Variants in WDFY3 observed in about 807,000 individuals in gnomAD.
The protein encoded by WDFY3 is WD repeat and FYVE domain containing 3, also known as WD repeat and FYVE domain-containing protein 3.
WDFY3 carries 66 observed loss-of-function variants against 409.6 expected under a neutral mutation model. The ratio of observed to expected loss-of-function variants is 0.16; its 90% CI spans 0.13 to 0.20. WDFY3 has a LOEUF of 0.20. WDFY3 is among the 10% of genes least tolerant of loss of function. The pLI is 1.00. For synonymous variants in WDFY3, 1,521 were observed against 1,537.1 expected (o/e 0.99, Z 0.25); for missense variants, 3,031 against 4,298.1 (o/e 0.71, Z 8.24).
At chr4:84,731,801 AT>A (rs1736651703) in intron 44 of WDFY3, among the ~76,000 whole-genome samples, 1 of 152,212 alleles carries the variant, frequency 6.6e-6, no homozygotes, top group East Asian at 1.9e-4. Flanking sequence ...GATAAAACAT[AT>A]TATGGTTATT....
intron 2 of WDFY3, among the ~76,000 whole-genome samples, chr4:84,918,109 T>A (rs1351872197): frequency 6.6e-6 from 1 of 152,128 alleles, no homozygotes. Context: ...CTGATGGGAA[T>A]GCAAAACAGT....
At chr4:84,716,833 A>T in intron 49 of WDFY3, 63 bp downstream of exon 49, 1 of 1,321,066 alleles carries the variant, frequency 7.6e-7, no homozygotes, top group Non-Finnish European at 9.9e-7. Context: ...AATAAAATAA[A>T]ATAAAACAAT....
chr4:84,694,304 T>C (rs921893276), intron 58 of WDFY3, among the ~76,000 whole-genome samples: 2 of 152,210 alleles, frequency 1.3e-5, no homozygotes, highest in Non-Finnish European at 2.9e-5. Context: ...GCTGCGGGTA[T>C]ATAATGATGT....
chr4:84,709,480 A>C (rs1024388281), intron 51 of WDFY3, 133 bp from the exon 52 acceptor site: 2 of 674,636 alleles, frequency 3.0e-6, no homozygotes, highest in East Asian at 5.6e-5. Flanking sequence ...TGGGTCATAA[A>C]ATCAGTTTAG....
At chr4:84,941,322 C>T (rs972180784) in intron 1 of WDFY3, among the ~76,000 whole-genome samples, 3 of 151,898 alleles carry the variant, frequency 2.0e-5, no homozygotes, top group African/African-American at 7.2e-5. Flanking sequence ...TGTGTTTCTA[C>T]ATATTAACAA....
At chr4:84,763,058 A>C (rs973450627) in intron 32 of WDFY3, among the ~76,000 whole-genome samples, 6 of 152,214 alleles carry the variant, frequency 3.9e-5, no homozygotes, top group Admixed American at 6.5e-5. Flanking sequence ...CCTAAAAAAA[A>C]ACCAAAAAAC....
intron 2 of WDFY3, among the ~76,000 whole-genome samples, chr4:84,927,423 A>C (rs1052575890): frequency 3.9e-5 from 6 of 152,168 alleles, no homozygotes; most frequent in African/African-American, 1.4e-4. Context: ...GCCTTCCATA[A>C]GAAGAATTAC....
intron 36 of WDFY3, 106 bp downstream of exon 36, chr4:84,751,377 T>C (rs1388565517): frequency 7.6e-6 from 9 of 1,187,638 alleles, no homozygotes; most frequent in Non-Finnish European, 1.1e-5. Flanking sequence ...TGCCTACACA[T>C]AAACAAGAGG....
chr4:84,822,443 C>A (rs79818222), intron 10 of WDFY3, among the ~76,000 whole-genome samples: 1 of 152,036 alleles, frequency 6.6e-6, no homozygotes, highest in Non-Finnish European at 1.5e-5. Flanking sequence ...TAGCTCACAC[C>A]GGTAGTCCTA....
intron 29 of WDFY3, 102 bp from the exon 30 acceptor site, chr4:84,773,031 A>C: frequency 2.3e-6 from 2 of 853,368 alleles, no homozygotes; most frequent in Non-Finnish European, 3.4e-6. Flanking sequence ...AAACCAAAAC[A>C]GTACTTTTTT....
chr4:84,933,128 T>C (rs1188699931), intron 1 of WDFY3, among the ~76,000 whole-genome samples: 1 of 152,190 alleles, frequency 6.6e-6, no homozygotes, highest in Admixed American at 6.6e-5. Context: ...TACCAAAGAA[T>C]AGCATCATCT....
In WDFY3 at chr4:84,821,411, C is replaced by T; in HGVS notation, c.1264G>A (p.Glu422Lys). 1 of 1,613,820 alleles carries T rather than the reference C, an allele frequency of 6.2e-7. No individual in the cohort carries two copies. Among genetic ancestry groups the T allele is most frequent in the Non-Finnish European group, 8.5e-7 (1 of 1,179,846 alleles). Residue 422 changes from glutamate (E) to lysine (K), a missense_variant, in exon 11 of 68, where the codon GAG becomes AAG. Coordinates refer to ENST00000295888, the MANE Select transcript of WDFY3 (RefSeq NM_014991.6). ...AACTGTGACAATGTGTGCTGTGACTCTAGGATGAAGTAATTGGCATTGTCA... is the reference window on the plus strand; with the variant it reads ...AACTGTGACAATGTGTGCTGTGACTTTAGGATGAAGTAATTGGCATTGTCA... ...MADNANYFIL[E>K]SQHTLSQFAE...
chr4:84,891,133 C>T (rs1255354518), intron 3 of WDFY3, among the ~76,000 whole-genome samples: 2 of 152,130 alleles, frequency 1.3e-5, no homozygotes, highest in Admixed American at 6.5e-5. Context: ...CACAGACAGC[C>T]GCAGCTCCCT....
rs372461792 is a variant in WDFY3, at chr4:84,684,140, A to G, written c.9544-15T>C. On this transcript the variant is annotated splice_polypyrimidine_tract_variant and intron_variant, in intron 62 of 67. Transcript: ENST00000295888. ...ACAATGTCCCCCTGAGAAGAGAGAG[A>G]AAAACGTCATTCTCTTTGCTCCCTT... 2 of 1,529,788 alleles carry G rather than the reference A, an allele frequency of 1.3e-6. No individual in the cohort carries two copies. Among genetic ancestry groups the G allele is most frequent in the Non-Finnish European group, 1.8e-6 (2 of 1,125,582 alleles). The allele number at this position is 1,529,788 out of a possible 1,614,324, so 94.8% of individuals were successfully genotyped here.
chr4:84,931,503 G>A (rs767867208), intron 2 of WDFY3, among the ~76,000 whole-genome samples: 4 of 152,146 alleles, frequency 2.6e-5, no homozygotes, highest in East Asian at 1.9e-4. Flanking sequence ...AAGAGAGAAA[G>A]AAGAATGAGA....
intron 14 of WDFY3, 153 bp downstream of exon 14, chr4:84,809,734 G>T: frequency 7.6e-6 from 5 of 655,280 alleles, no homozygotes; most frequent in African/African-American, 1.9e-5. Context: ...CAGAGCAAGA[G>T]TAATATTCAA....
intron 59 of WDFY3, among the ~76,000 whole-genome samples, chr4:84,692,010 C>G (rs1729350303): frequency 6.6e-6 from 1 of 152,204 alleles, no homozygotes; most frequent in Admixed American, 6.5e-5. Flanking sequence ...TCCAGCTTTC[C>G]TATTTCTGGG....
chr4:84,951,954 A>G (rs1160654337), intron 1 of WDFY3, among the ~76,000 whole-genome samples: 4 of 152,246 alleles, frequency 2.6e-5, no homozygotes, highest in Non-Finnish European at 5.9e-5. Flanking sequence ...CAGGCTGAGA[A>G]AATTGAAAGT....
chr4:84,745,979 G>T (rs1739368557), intron 36 of WDFY3, among the ~76,000 whole-genome samples: 2 of 151,858 alleles, frequency 1.3e-5, no homozygotes, highest in Non-Finnish European at 2.9e-5. Flanking sequence ...GAATAAAGCT[G>T]TCCAGTCACA....
Sources: allele counts gnomAD v4.1 joint callset (sites outside exome capture counted in the v4.1 genomes callset), GRCh38; gene constraint gnomAD v4.1.1; transcripts MANE v1.5; gene names NCBI Gene and HGNC (gene_info 2026-07-23, HGNC 2026-07-21).